TRHDE: variants seen among roughly 807,000 people sequenced by gnomAD.
TRHDE encodes the protein thyrotropin releasing hormone degrading enzyme.
TRHDE carries 72 observed loss-of-function variants against 125.7 expected under a neutral mutation model. The observed-to-expected ratio is 0.57, with a 90% CI of 0.47 to 0.70. The LOEUF (loss-of-function observed/expected upper bound fraction) is 0.70, where lower values mean the gene tolerates loss of function less well. Among genes scored for constraint, TRHDE ranks in the 30% least tolerant of loss-of-function variants. The pLI, the probability that TRHDE is intolerant of heterozygous loss-of-function variation, is 0.00. For missense variants in TRHDE, 1,110 were observed against 1,327.1 expected, an observed-to-expected ratio of 0.84 and a Z score of 2.54; for synonymous variants, 509 against 509.1, an observed-to-expected ratio of 1.00 and a Z score of 0.00.
rs375433570 is a variant in TRHDE at position 72,321,876 on chromosome 12, T to TAC, written c.1188+34937_1188+34938dup. Among the ~76,000 whole-genome samples, 1,070 of 150,988 alleles carry TAC rather than the reference T, an allele frequency of 7.1e-3. 13 individuals are homozygous for TAC. Among genetic ancestry groups the TAC allele is most frequent in the African/African-American group, 0.024 (977 of 41,268 alleles). On this transcript the variant is annotated intron_variant, in intron 2 of 18. Transcript: ENST00000261180. Reference sequence around the variant, plus strand: ...TAATACACATATATATCTACATACATACACACACACACACACCCCCTAAGA... The same window carrying TAC: ...TAATACACATATATATCTACATACATACACACACACACACACACCCCCTAAGA...
At position 72,669,433 on chromosome 12, in the gene TRHDE, C is replaced by CA. The variant is rs1410568831; in HGVS notation, c.*6239dup. On this transcript the variant is annotated 3_prime_UTR_variant, in exon 19 of 19. Coordinates refer to ENST00000261180, the MANE Select transcript of TRHDE (RefSeq NM_013381.3). The stretch of plus-strand genomic sequence containing the variant: ...AGGTCAACTTATTTCTCATCACACA[C>CA]ATTTTTCTTATGTCATATAAGTAAA... 6.6e-6 allele frequency: 1 copy of CA among 151,882 alleles called. No homozygotes were observed. The highest frequency in any genetic ancestry group is 1.5e-5 in the Non-Finnish European group (1 of 67,814). 9.4% of individuals were successfully genotyped at this position (151,882 alleles called of 1,614,324 possible).
At chr12:72,092,925 C>A (rs1165812355) in intron 1 of TRHDE, among the ~76,000 whole-genome samples, 1 of 152,172 alleles carries the variant, frequency 6.6e-6, no homozygotes, top group Non-Finnish European at 1.5e-5. Flanking sequence ...ACCATCTTAG[C>A]CTCCCCAAGG....
chr12:72,586,372 T>A (rs1453987658), intron 12 of TRHDE, among the ~76,000 whole-genome samples: 1 of 152,174 alleles, frequency 6.6e-6, no homozygotes, highest in Non-Finnish European at 1.5e-5. Context: ...AAATACATGA[T>A]GTTCTCTCTT....
At chr12:72,210,243 G>A (rs1449643226) in intron 2 of TRHDE, among the ~76,000 whole-genome samples, 1 of 151,702 alleles carries the variant, frequency 6.6e-6, no homozygotes, top group Admixed American at 6.6e-5. Flanking sequence ...TCTTTTGGGT[G>A]TGTGTACCTT....
intron 2 of TRHDE, among the ~76,000 whole-genome samples, chr12:72,297,313 A>C (rs1454366879): frequency 2.6e-5 from 4 of 152,184 alleles, no homozygotes; most frequent in Non-Finnish European, 5.9e-5. Flanking sequence ...AAAGTAAAAT[A>C]AGAGTAGAGA....
intron 5 of TRHDE, among the ~76,000 whole-genome samples, chr12:72,480,081 G>A (rs1253964671): frequency 6.6e-6 from 1 of 150,984 alleles, no homozygotes; most frequent in African/African-American, 2.4e-5. Flanking sequence ...ATTTGGGTTG[G>A]TTCCAAGTCT....
At chr12:72,296,018 C>T (rs1880286707) in intron 2 of TRHDE, among the ~76,000 whole-genome samples, 1 of 152,188 alleles carries the variant, frequency 6.6e-6, no homozygotes, top group Non-Finnish European at 1.5e-5. Context: ...ACACTCATCT[C>T]TCACAGCTGT....
intron 3 of TRHDE, among the ~76,000 whole-genome samples, chr12:72,467,240 C>A (rs193164494): frequency 4.6e-5 from 7 of 151,858 alleles, no homozygotes; most frequent in Admixed American, 2.0e-4. Flanking sequence ...CCACTCCCCC[C>A]ACCCCACAAC....
rs141446339 is a variant in TRHDE, at chr12:72,427,062, T to C, written c.1316-42696T>C. On this transcript the variant is annotated intron_variant, in intron 3 of 18. Transcript: ENST00000261180. The stretch of plus-strand genomic sequence containing the variant: ...CTGGCAAATTATATTATCTGGGCTC[T>C]ACAGCAGTGGTGTATTTGAGGCTTT... Among the ~76,000 whole-genome samples the C allele has an allele frequency of 8.1e-4, 124 of 152,252 alleles. 1 individual carries two copies. The highest frequency in any genetic ancestry group is 2.8e-3 in the African/African-American group (117 of 41,574).
At chr12:72,630,157 T>TG (rs1873433858) in intron 15 of TRHDE, among the ~76,000 whole-genome samples, 1 of 151,674 alleles carries the variant, frequency 6.6e-6, no homozygotes, top group Admixed American at 6.6e-5. Flanking sequence ...GGTTGAATAG[T>TG]GGCCTCCAAA....
intron 2 of TRHDE, among the ~76,000 whole-genome samples, chr12:72,221,178 C>T (rs992167307): frequency 1.3e-5 from 2 of 151,948 alleles, no homozygotes; most frequent in Admixed American, 1.3e-4. Context: ...AATACTTTTG[C>T]AATATGCCTA....
At chr12:72,116,579 T>G (rs1331890570) in intron 2 of TRHDE, among the ~76,000 whole-genome samples, 2 of 152,190 alleles carry the variant, frequency 1.3e-5, no homozygotes, top group East Asian at 3.9e-4. Flanking sequence ...GGTATCTCAT[T>G]GTGGTTTTGA....
At chr12:72,610,213 G>A (rs368470201) in intron 12 of TRHDE, among the ~76,000 whole-genome samples, 9 of 152,216 alleles carry the variant, frequency 5.9e-5, no homozygotes, top group South Asian at 4.1e-4. Flanking sequence ...AATAAAAAAC[G>A]TGTGGATAAG....
intron 3 of TRHDE, among the ~76,000 whole-genome samples, chr12:72,403,814 A>G (rs1233589389): frequency 1.3e-5 from 2 of 152,220 alleles, no homozygotes; most frequent in Admixed American, 6.5e-5. Context: ...AGCAGAAGTC[A>G]ACAGGAAGGA....
intron 5 of TRHDE, among the ~76,000 whole-genome samples, chr12:72,478,765 G>C (rs1877014251): frequency 6.6e-6 from 1 of 151,908 alleles, no homozygotes; most frequent in African/African-American, 2.4e-5. Context: ...ATATGCTTGA[G>C]GAATCCTAAT....
At chr12:72,612,878 C>T (rs765796930) in intron 12 of TRHDE, among the ~76,000 whole-genome samples, 15 of 152,046 alleles carry the variant, frequency 9.9e-5, no homozygotes, top group Non-Finnish European at 1.3e-4. Context: ...CTATTAAGTA[C>T]CCAGTGGACT....
chr12:72,323,828 G>GAGAC (rs10674957), intron 2 of TRHDE, among the ~76,000 whole-genome samples: 1 of 151,200 alleles, frequency 6.6e-6, no homozygotes, highest in Admixed American at 6.6e-5. Flanking sequence ...TATGGAGCGA[G>GAGAC]AGAGAAAGAG....
chr12:72,246,652 C>T (rs1036456709), intron 2 of TRHDE, among the ~76,000 whole-genome samples: 3 of 152,192 alleles, frequency 2.0e-5, no homozygotes, highest in African/African-American at 7.2e-5. Flanking sequence ...AGGACACTCC[C>T]TGAAGGGCCA....
intron 15 of TRHDE, among the ~76,000 whole-genome samples, chr12:72,640,820 C>G (rs1874026375): frequency 6.6e-6 from 1 of 152,132 alleles, no homozygotes; most frequent in African/African-American, 2.4e-5. Flanking sequence ...GGCAAACAAT[C>G]CTTCAAATGA....
Sources: allele counts gnomAD v4.1 joint callset (sites outside exome capture counted in the v4.1 genomes callset), GRCh38; gene constraint gnomAD v4.1.1; transcripts MANE v1.5; gene names NCBI Gene and HGNC (gene_info 2026-07-23, HGNC 2026-07-21).